The following SPRY3 variants were observed in gnomAD, a reference collection of about 807,000 sequenced individuals.
SPRY3 encodes the protein sprouty RTK signaling antagonist 3, also known as protein sprouty homolog 3.
In SPRY3, 15 loss-of-function variants were observed where a neutral mutation model predicts 20.2. That is an observed-to-expected ratio of 0.74 (90% CI 0.50 to 1.14). SPRY3 has a LOEUF of 1.14. SPRY3 is among the 50% of genes most tolerant of loss of function. The probability of loss-of-function intolerance (pLI) is 0.00; values close to 1 mark genes in which losing one functional copy is unlikely to be tolerated. For missense variants in SPRY3, 364 were observed against 363.9 expected (o/e 1.00, Z 0.00); for synonymous variants, 143 against 136.5 (o/e 1.05, Z -0.33).
At chrX:155,781,595 T>G (rs1312754106), downstream of SPRY3, 3 of 166,966 alleles carry the variant, frequency 1.8e-5, no homozygotes, top group Non-Finnish European at 2.9e-5. Flanking sequence ...CTACACTGCT[T>G]CTATCTCTAC....
intron 1 of SPRY3, among the ~76,000 whole-genome samples, chrX:155,625,815 A>G (rs2067886282): frequency 8.9e-6 from 1 of 111,789 alleles, no homozygotes; most frequent in Admixed American, 9.5e-5. Context: ...TATAAATCAA[A>G]TAATACAATG....
Position 155,659,359 on chromosome X carries a change from A to T in SPRY3, c.-282+2334A>T, listed in dbSNP as rs375570449. 3.6e-5 allele frequency among the ~76,000 whole-genome samples: 4 copies of T among 109,696 alleles called. No homozygotes were observed. In the South Asian group the frequency reaches 1.6e-3, roughly 43 times the overall value. On this transcript the variant is annotated intron_variant, in intron 2 of 3. Coordinates refer to ENST00000675360, the Ensembl canonical transcript of SPRY3. ...ACGGGGTTTCACCATGTTAGCCAGG[A>T]TGGTCTCGATCTCATGACCTCGTGA...
chrX:155,766,845 A>C (rs1366618431), intron 2 of SPRY3, among the ~76,000 whole-genome samples: 1 of 152,180 alleles, frequency 6.6e-6, no homozygotes, highest in Non-Finnish European at 1.5e-5. Flanking sequence ...TGCCATGCTA[A>C]AGGGAAAGTA....
At chrX:155,759,355 A>G (rs145100420) in intron 2 of SPRY3, among the ~76,000 whole-genome samples, 2,735 of 152,088 alleles carry the variant, frequency 0.018, 85 homozygotes, top group African/African-American at 0.063. Flanking sequence ...TTTTTCTTGT[A>G]AGCATTTTAT....
chrX:155,715,516 G>A (rs1336694665), intron 2 of SPRY3, among the ~76,000 whole-genome samples: 1 of 152,130 alleles, frequency 6.6e-6, no homozygotes, highest in African/African-American at 2.4e-5. Flanking sequence ...CTCTTTCTGA[G>A]TTGTGAGCTG....
intron 1 of SPRY3, among the ~76,000 whole-genome samples, chrX:155,638,676 C>T (rs2067932279): frequency 9.0e-6 from 1 of 110,626 alleles, no homozygotes; most frequent in Non-Finnish European, 1.9e-5. Flanking sequence ...TTGGTTGTGA[C>T]TAAACCTGTA....
At chrX:155,715,626 G>C (rs1425301261) in intron 2 of SPRY3, among the ~76,000 whole-genome samples, 1 of 152,154 alleles carries the variant, frequency 6.6e-6, no homozygotes, top group African/African-American at 2.4e-5. Context: ...CTGGCTCTGA[G>C]CCCAGTTCAG....
chrX:155,725,632 G>T (rs993942195), intron 2 of SPRY3, among the ~76,000 whole-genome samples: 1 of 152,090 alleles, frequency 6.6e-6, no homozygotes, highest in African/African-American at 2.4e-5. Flanking sequence ...ATTCTCTGAT[G>T]GTAGTTTGTA....
chrX:155,726,501 T>C (rs1214209123), intron 2 of SPRY3, among the ~76,000 whole-genome samples: 1 of 152,202 alleles, frequency 6.6e-6, no homozygotes, highest in African/African-American at 2.4e-5. Context: ...GTCTGGGTGC[T>C]CCTGTAATGG....
intron 3 of SPRY3, among the ~76,000 whole-genome samples, chrX:155,772,537 T>A (rs1032091306): frequency 6.6e-5 from 10 of 152,132 alleles, no homozygotes; most frequent in Non-Finnish European, 1.0e-4. Context: ...ATGCTAGTGT[T>A]TTGCTACGTC....
At position 155,641,587 on chromosome X, in the gene SPRY3, A is replaced by T. The variant is rs1273834772; in HGVS notation, c.-440-15280A>T. 3.5e-5 allele frequency among the ~76,000 whole-genome samples: 4 copies of T among 114,998 alleles called. No individual in the cohort carries two copies. In the East Asian group the frequency reaches 8.2e-4, roughly 24 times the overall value. ...GTTAGATTTTTTGATCACCCTTTAA[A>T]CCCTTTAAGGCGGGAAATACGTGCG... is the stretch of plus-strand genomic sequence containing the variant. On this transcript the variant is annotated intron_variant, in intron 1 of 3. Transcript: ENST00000675360.
At chrX:155,779,970 A>G (rs1289876815), downstream of SPRY3, 1 of 166,764 alleles carries the variant, frequency 6.0e-6, no homozygotes, top group African/African-American at 2.4e-5. Context: ...CCTTATTTTC[A>G]CTCTCAAAGA....
At chrX:155,686,657 T>C (rs1186988883) in intron 2 of SPRY3, among the ~76,000 whole-genome samples, 2 of 111,619 alleles carry the variant, frequency 1.8e-5, no homozygotes, top group Non-Finnish European at 3.8e-5. Flanking sequence ...AAGTAACATA[T>C]TTTCAGTCTT....
intron 1 of SPRY3, 74 bp downstream of exon 1, chrX:155,612,721 G>C (rs1463886332): frequency 1.8e-5 from 2 of 112,548 alleles, no homozygotes; most frequent in African/African-American, 6.5e-5. Context: ...GCCTGAAAGC[G>C]AGCGCCTGGG....
intron 2 of SPRY3, among the ~76,000 whole-genome samples, chrX:155,712,719 T>C (rs1346764867): frequency 1.3e-5 from 2 of 152,026 alleles, no homozygotes; most frequent in Non-Finnish European, 2.9e-5. Flanking sequence ...ACCTGCCATT[T>C]TGTTATTTGT....
intron 2 of SPRY3, among the ~76,000 whole-genome samples, chrX:155,673,111 GC>G (rs1442128235): frequency 3.2e-5 from 3 of 93,575 alleles, no homozygotes; most frequent in Admixed American, 1.2e-4. Flanking sequence ...TATACCTAAT[GC>G]TAAATGACAA....
chrX:155,737,994 C>G (rs1372760331), intron 2 of SPRY3, among the ~76,000 whole-genome samples: 1 of 151,954 alleles, frequency 6.6e-6, no homozygotes, highest in Non-Finnish European at 1.5e-5. Context: ...ATGCACTCAC[C>G]TTTAAAAAAT....
intron 2 of SPRY3, among the ~76,000 whole-genome samples, chrX:155,756,162 C>A (rs778316100): frequency 6.6e-6 from 1 of 152,220 alleles, no homozygotes; most frequent in South Asian, 2.1e-4. Context: ...CTGCAGCATG[C>A]TGGCCTCCCT....
intron 2 of SPRY3, among the ~76,000 whole-genome samples, chrX:155,695,920 C>T (rs1186777844): frequency 9.0e-6 from 1 of 110,767 alleles, no homozygotes; most frequent in East Asian, 2.8e-4. Flanking sequence ...ACAATTTTAA[C>T]ATCTAGGTCA....
Sources: allele counts gnomAD v4.1 joint callset (sites outside exome capture counted in the v4.1 genomes callset), GRCh38; gene constraint gnomAD v4.1.1; transcripts MANE v1.5; gene names NCBI Gene and HGNC (gene_info 2026-07-23, HGNC 2026-07-21).